Variants in HDGFL3 observed in about 807,000 individuals in gnomAD.
HDGFL3 encodes the protein HDGF like 3.
Under a neutral mutation model 27.6 loss-of-function variants are expected in HDGFL3, and 6 were observed. That is an observed-to-expected ratio of 0.22 (90% CI 0.12 to 0.43). The LOEUF (loss-of-function observed/expected upper bound fraction) is 0.43. HDGFL3 is among the 20% of genes least tolerant of loss of function. The pLI, the probability that HDGFL3 is intolerant of heterozygous loss-of-function variation, is 1.00. For synonymous variants in HDGFL3, 88 were observed against 88.9 expected, an observed-to-expected ratio of 0.99 and a Z score of 0.05; for missense variants, 207 against 250.1, an observed-to-expected ratio of 0.83 and a Z score of 1.16.
In HDGFL3 at chr15:83,207,220, C is replaced by CTT; in HGVS notation, c.84+110_84+111insAA. On this transcript the variant is annotated intron_variant, in intron 1 of 5. Transcript: ENST00000299633. This position sits in a 1 kb window ranked among gnomAD's most constrained non-coding sequence, Gnocchi z 4.8. ...CGCCGCCCTCAGCCCTCACCACAGCCGGCCGCGAGCTGCGGGCTCGGGGCT... is the reference window on the plus strand; with the variant it reads ...CGCCGCCCTCAGCCCTCACCACAGCCTTGGCCGCGAGCTGCGGGCTCGGGGCT... 2 of 730,952 alleles carry CTT rather than the reference C, an allele frequency of 2.7e-6. No individual in the cohort carries two copies. Among genetic ancestry groups the CTT allele is most frequent in the Non-Finnish European group, 3.8e-6 (2 of 522,972 alleles). The allele number at this position is 730,952 out of a possible 1,614,324, so 45.3% of individuals were successfully genotyped here. A position where few individuals can be genotyped will look rare whatever the true frequency, so the allele number is the denominator to read the frequency against.
At chr15:83,182,147 C>A (rs1199695844) in intron 1 of HDGFL3, among the ~76,000 whole-genome samples, 1 of 151,906 alleles carries the variant, frequency 6.6e-6, no homozygotes, top group African/African-American at 2.4e-5. Flanking sequence ...TATGGCTAGT[C>A]TTTTAAATTT....
chr15:83,155,855 A>C (rs1384441290), intron 4 of HDGFL3, among the ~76,000 whole-genome samples: 2 of 152,188 alleles, frequency 1.3e-5, no homozygotes, highest in Non-Finnish European at 2.9e-5. Context: ...AACCTGTACC[A>C]ATCTTTGGTC....
rs2036071480 is a variant in HDGFL3 at position 83,129,650 on chromosome 15, A to G, written c.*9620T>C. 1 of 152,234 alleles carries G rather than the reference A, an allele frequency of 6.6e-6. No individual in the cohort carries two copies. Among genetic ancestry groups the G allele is most frequent in the African/African-American group, 2.4e-5 (1 of 41,458 alleles). The allele number at this position is 152,234 out of a possible 1,614,324, so 9.4% of individuals were successfully genotyped here. A position where few individuals can be genotyped will look rare whatever the true frequency, so the allele number is the denominator to read the frequency against. On this transcript the variant is annotated 3_prime_UTR_variant, in exon 6 of 6. Coordinates refer to ENST00000299633, the MANE Select transcript of HDGFL3 (RefSeq NM_016073.4). ...TTGTGTTATCTCACCCACCCCATGCAAACAATGAACTATGGCACAGAGTCC... is the reference window on the plus strand; with the variant it reads ...TTGTGTTATCTCACCCACCCCATGCGAACAATGAACTATGGCACAGAGTCC...
chr15:83,142,641 C>T lies in HDGFL3; in HGVS notation c.607-3366G>A, dbSNP rs1596543570. On this transcript the variant is annotated intron_variant, in intron 5 of 5. Transcript: ENST00000299633. ...GTTAACCTTTAATAATAAATCTGCA[C>T]ATGTACTCCCTGAAGTTTAAAAAAA... Among the ~76,000 whole-genome samples, 3 of 152,192 alleles carry T rather than the reference C, an allele frequency of 2.0e-5. No homozygotes were observed. The South Asian group carries it at 6.2e-4, about 32-fold the overall frequency.
chr15:83,158,761 G>A (rs962524079), intron 2 of HDGFL3, among the ~76,000 whole-genome samples: 3 of 152,188 alleles, frequency 2.0e-5, no homozygotes, highest in Admixed American at 6.5e-5. Flanking sequence ...ACGGTTTTAG[G>A]CATCCACTGG....
At chr15:83,169,145 C>A in intron 1 of HDGFL3, 1 of 410,664 alleles carries the variant, frequency 2.4e-6, no homozygotes. Flanking sequence ...ATGATAAACC[C>A]ACAGCCAATA....
chr15:83,157,319 T>C lies in HDGFL3; in HGVS notation c.459+96A>G, dbSNP rs572530982. On this transcript the variant is annotated intron_variant, in intron 4 of 5. Coordinates refer to ENST00000299633, the MANE Select transcript of HDGFL3 (RefSeq NM_016073.4). Reference sequence around the variant, plus strand: ...GGCAGAGGCTCCATAGAATTTAGTATATTTCTATGTACCCAATAAACACAT... The same window carrying C: ...GGCAGAGGCTCCATAGAATTTAGTACATTTCTATGTACCCAATAAACACAT... The C allele has an allele frequency of 5.0e-6, 6 of 1,208,198 alleles. No individual in the cohort carries two copies. In the African/African-American group the frequency reaches 6.0e-5, roughly 12 times the overall value. The allele number at this position is 1,208,198 out of a possible 1,614,324, so 74.8% of individuals were successfully genotyped here.
At chr15:83,183,071 T>C (rs1799212584) in intron 1 of HDGFL3, among the ~76,000 whole-genome samples, 1 of 152,232 alleles carries the variant, frequency 6.6e-6, no homozygotes, top group African/African-American at 2.4e-5. Flanking sequence ...ACAAATTGGC[T>C]ATATCCTTTT....
intron 1 of HDGFL3, among the ~76,000 whole-genome samples, chr15:83,170,175 A>G (rs1253910519): frequency 6.6e-6 from 1 of 152,216 alleles, no homozygotes; most frequent in Non-Finnish European, 1.5e-5. Context: ...TGCTGTTCCT[A>G]TCAAACTACC....
chr15:83,174,538 ATTG>A (rs1193956253), intron 1 of HDGFL3, among the ~76,000 whole-genome samples: 2 of 152,158 alleles, frequency 1.3e-5, no homozygotes, highest in East Asian at 1.9e-4. Context: ...TATAATATGA[ATTG>A]TAGTAAAAAA....
chr15:83,183,767 A>G (rs373196710), intron 1 of HDGFL3, among the ~76,000 whole-genome samples: 109 of 57,656 alleles, frequency 1.9e-3, no homozygotes, highest in Non-Finnish European at 2.8e-3. Flanking sequence ...CAAAAAAAAG[A>G]AAAAAAAAAA....
chr15:83,153,856 T>C (rs2036993385), intron 4 of HDGFL3, among the ~76,000 whole-genome samples: 1 of 152,174 alleles, frequency 6.6e-6, no homozygotes, highest in Non-Finnish European at 1.5e-5. Flanking sequence ...ATAGCATGAC[T>C]TTTCATTGTG....
intron 4 of HDGFL3, among the ~76,000 whole-genome samples, chr15:83,152,691 A>C (rs1351061939): frequency 2.6e-5 from 4 of 151,624 alleles, no homozygotes; most frequent in South Asian, 2.1e-4. Context: ...TCGAAAAAAA[A>C]AAAAAAAACA....
At chr15:83,162,675 G>A (rs2037116076) in intron 2 of HDGFL3, among the ~76,000 whole-genome samples, 1 of 152,000 alleles carries the variant, frequency 6.6e-6, no homozygotes, top group African/African-American at 2.4e-5. Flanking sequence ...TTTCTCTCAC[G>A]AAAAAAAGTC....
intron 2 of HDGFL3, among the ~76,000 whole-genome samples, chr15:83,162,204 T>C (rs988984396): frequency 3.9e-5 from 6 of 152,190 alleles, no homozygotes; most frequent in African/African-American, 9.6e-5. Context: ...TAAGAAACAC[T>C]GACATAATTT....
At chr15:83,148,603 C>T (rs2036928539) in intron 5 of HDGFL3, among the ~76,000 whole-genome samples, 1 of 150,268 alleles carries the variant, frequency 6.7e-6, no homozygotes, top group African/African-American at 2.5e-5. Context: ...GCCTGGGCGA[C>T]AGAGTGAGAC....
chr15:83,173,784 C>T (rs2037275038), intron 1 of HDGFL3, among the ~76,000 whole-genome samples: 1 of 152,160 alleles, frequency 6.6e-6, no homozygotes, highest in Non-Finnish European at 1.5e-5. Context: ...ATCTCCTTTA[C>T]AGGTCCCATA....
intron 5 of HDGFL3, among the ~76,000 whole-genome samples, chr15:83,148,437 C>T (rs931799144): frequency 2.6e-4 from 40 of 151,970 alleles, no homozygotes; most frequent in Non-Finnish European, 5.3e-4. Context: ...CTGGCTAACA[C>T]GGTGAAACCC....
In HDGFL3 at chr15:83,137,282, A is replaced by G. The variant is rs1411623799; in HGVS notation, c.*1988T>C. ...AACTTTATCTCTATCCTTAATGAAC[A>G]TTTGTTTTATTGGTGGCTGGAAATA... On this transcript the variant is annotated 3_prime_UTR_variant, in exon 6 of 6. Coordinates refer to ENST00000299633, the MANE Select transcript of HDGFL3 (RefSeq NM_016073.4). 1 of 152,146 alleles carries G rather than the reference A, an allele frequency of 6.6e-6. No homozygotes were observed. Among genetic ancestry groups the G allele is most frequent in the African/African-American group, 2.4e-5 (1 of 41,454 alleles). The allele number at this position is 152,146 out of a possible 1,614,324, so 9.4% of individuals were successfully genotyped here. A position where few individuals can be genotyped will look rare whatever the true frequency, so the allele number is the denominator to read the frequency against.
Sources: gnomAD v4.1 joint callset for allele counts (sites outside exome capture counted in the v4.1 genomes callset) on GRCh38, gnomAD v4.1.1 for gene constraint, Gnocchi (gnomAD v3.1) non-coding constraint, MANE v1.5 for transcripts, NCBI Gene and HGNC (gene_info 2026-07-23, HGNC 2026-07-21) for gene names.